The following RNLS variants were observed in gnomAD, a reference collection of about 807,000 sequenced individuals.
RNLS encodes renalase.
A neutral mutation model predicts 39.8 loss-of-function variants in RNLS; 39 were observed. The observed-to-expected ratio is 0.98, with a 90% confidence interval of 0.76 to 1.28. RNLS has a LOEUF of 1.28. RNLS is among the 50% of genes most tolerant of loss of function. The pLI, the probability that RNLS is intolerant of heterozygous loss-of-function variation, is 0.00. For missense variants in RNLS, 410 were observed against 413.3 expected, an observed-to-expected ratio of 0.99 and a Z score of 0.07; for synonymous variants, 147 against 150.7, an observed-to-expected ratio of 0.98 and a Z score of 0.18.
rs80322178 is a variant in RNLS at position 88,551,253 on chromosome 10, T to C, written c.526+21650A>G. Among the ~76,000 whole-genome samples, 1,512 of 152,344 alleles carry C rather than the reference T, an allele frequency of 9.9e-3. 9 individuals are homozygous for C. Among genetic ancestry groups the C allele is most frequent in the South Asian group, 0.025 (119 of 4,832 alleles). On this transcript the variant is annotated intron_variant, in intron 4 of 6. Transcript: ENST00000331772. Reference sequence around the variant, plus strand: ...TTGCCTCATATGTCTAAAGTTAAAATATCAAAACAAACCTCTTATTAAAAA... The same window carrying C: ...TTGCCTCATATGTCTAAAGTTAAAACATCAAAACAAACCTCTTATTAAAAA...
the RNLS span, among the ~76,000 whole-genome samples, chr10:88,185,625 C>T: frequency 6.6e-6 from 1 of 152,078 alleles, no homozygotes; most frequent in Middle Eastern, 3.4e-3. Flanking sequence ...CATAAGGACC[C>T]AGTATAGATT....
chr10:88,205,906 G>A, the RNLS span, among the ~76,000 whole-genome samples: 4 of 152,132 alleles, frequency 2.6e-5, no homozygotes, highest in Admixed American at 1.3e-4. Context: ...ACTGTTCATA[G>A]GATTCCAGGG....
At chr10:88,406,754 C>T (rs566980736) in intron 4 of RNLS, among the ~76,000 whole-genome samples, 6 of 152,170 alleles carry the variant, frequency 3.9e-5, no homozygotes, top group Non-Finnish European at 5.9e-5. Context: ...CACTTGCACA[C>T]GCATGTTTAT....
At chr10:88,340,917 G>A (rs1444870940) in intron 5 of RNLS, among the ~76,000 whole-genome samples, 1 of 151,552 alleles carries the variant, frequency 6.6e-6, no homozygotes, top group Non-Finnish European at 1.5e-5. Context: ...AAATTAGCTG[G>A]GCATGGTGGC....
intron 5 of RNLS, among the ~76,000 whole-genome samples, chr10:88,319,025 C>T (rs1845976621): frequency 6.6e-6 from 1 of 152,154 alleles, no homozygotes; most frequent in African/African-American, 2.4e-5. Flanking sequence ...CACCTGCTGC[C>T]AGAAGGGCTG....
intron 4 of RNLS, among the ~76,000 whole-genome samples, chr10:88,369,154 C>T (rs906375799): frequency 6.6e-6 from 1 of 152,046 alleles, no homozygotes; most frequent in African/African-American, 2.4e-5. Flanking sequence ...TTCCTGTTTA[C>T]TTTTTAGTAT....
chr10:88,536,966 C>A (rs1301874674), intron 4 of RNLS, among the ~76,000 whole-genome samples: 1 of 152,108 alleles, frequency 6.6e-6, no homozygotes, highest in Non-Finnish European at 1.5e-5. Context: ...GAGTTCTCAA[C>A]AAATGTCAGT....
the RNLS span, among the ~76,000 whole-genome samples, chr10:88,189,801 G>A: frequency 2.0e-5 from 3 of 152,334 alleles, no homozygotes; most frequent in East Asian, 1.9e-4. Context: ...GCAATGCAGC[G>A]AAGCACTGGG....
exon 7 of RNLS, chr10:88,274,287 C>T (rs2132582929): frequency 6.6e-6 from 1 of 152,288 alleles, no homozygotes; most frequent in East Asian, 1.9e-4. Context: ...TAACCATCAT[C>T]CATCTCCAGA....
chr10:88,290,194 G>A (rs183643466), intron 6 of RNLS, among the ~76,000 whole-genome samples: 2 of 152,112 alleles, frequency 1.3e-5, no homozygotes, highest in Non-Finnish European at 2.9e-5. Context: ...CTATGCTAAA[G>A]CTACAGTGCG....
chr10:88,289,743 A>G (rs973321330), intron 6 of RNLS, among the ~76,000 whole-genome samples: 1 of 152,164 alleles, frequency 6.6e-6, no homozygotes, highest in Admixed American at 6.6e-5. Context: ...CAGTTGATCA[A>G]ATGAAGTTCT....
At chr10:88,395,134 G>A (rs543641188) in intron 4 of RNLS, among the ~76,000 whole-genome samples, 13 of 150,702 alleles carry the variant, frequency 8.6e-5, no homozygotes, top group African/African-American at 3.2e-4. Context: ...CATGGCACAT[G>A]TATACATATG....
chr10:88,187,169 TATATATATAATATATATA>T, the RNLS span, among the ~76,000 whole-genome samples: 2 of 116,532 alleles, frequency 1.7e-5, no homozygotes, highest in Non-Finnish European at 3.4e-5. Flanking sequence ...ATATATATAA[TATATATATAATATATATA>T]ATATATATAA....
chr10:88,390,838 C>A (rs533421748), intron 4 of RNLS, among the ~76,000 whole-genome samples: 1 of 152,120 alleles, frequency 6.6e-6, no homozygotes, highest in South Asian at 2.1e-4. Flanking sequence ...ATTTTACTGT[C>A]CCACCAACTA....
chr10:88,424,314 C>G (rs1564789037), intron 4 of RNLS, among the ~76,000 whole-genome samples: 1 of 152,092 alleles, frequency 6.6e-6, no homozygotes, highest in East Asian at 1.9e-4. Flanking sequence ...CTTTTTGACA[C>G]TCTGGAAGAC....
chr10:88,287,554 G>T (rs1843360330), intron 6 of RNLS, among the ~76,000 whole-genome samples: 1 of 152,038 alleles, frequency 6.6e-6, no homozygotes, highest in African/African-American at 2.4e-5. Flanking sequence ...TAATAGCAAG[G>T]GATATGTATT....
At chr10:88,265,323 CTTTTTTTTTTTTTTT>C in the RNLS span, among the ~76,000 whole-genome samples, 8 of 59,066 alleles carry the variant, frequency 1.4e-4, no homozygotes, top group African/African-American at 4.0e-4. Context: ...CAGGGTTTTT[CTTTTTTTTTTTTTTT>C]TTTTTTTTTG....
chr10:88,580,817 G>T (rs188031106), intron 3 of RNLS, among the ~76,000 whole-genome samples: 184 of 152,094 alleles, frequency 1.2e-3, no homozygotes, highest in Non-Finnish European at 1.7e-3. Flanking sequence ...TATTACACTG[G>T]CAAAAATTAA....
chr10:88,263,522 G>C, the RNLS span, among the ~76,000 whole-genome samples: 1 of 152,124 alleles, frequency 6.6e-6, no homozygotes, highest in South Asian at 2.1e-4. Flanking sequence ...CTAAAACTCT[G>C]TGTTTGCTTT....
Sources: gnomAD v4.1 joint callset for allele counts (sites outside exome capture counted in the v4.1 genomes callset) on GRCh38, gnomAD v4.1.1 for gene constraint, MANE v1.5 for transcripts, NCBI Gene and HGNC (gene_info 2026-07-23, HGNC 2026-07-21) for gene names.